STK39: variants seen among roughly 807,000 people sequenced by gnomAD.
STK39 encodes the protein serine/threonine kinase 39, also known as STE20/SPS1-related proline-alanine-rich protein kinase.
A neutral mutation model predicts 77.8 loss-of-function variants in STK39; 20 were observed. The observed-to-expected ratio is 0.26, with a 90% CI of 0.18 to 0.37. The LOEUF (loss-of-function observed/expected upper bound fraction) is 0.37, where lower values mean the gene tolerates loss of function less well. STK39 is among the 10% of genes least tolerant of loss of function. The pLI, the probability that STK39 is intolerant of heterozygous loss-of-function variation, is 1.00. For missense variants in STK39, 479 were observed against 656.5 expected, an observed-to-expected ratio of 0.73 and a Z score of 2.95; for synonymous variants, 246 against 234.1, an observed-to-expected ratio of 1.05 and a Z score of -0.47.
At chr2:168,007,636 T>C (rs993338371) in intron 16 of STK39, among the ~76,000 whole-genome samples, 8 of 152,074 alleles carry the variant, frequency 5.3e-5, no homozygotes, top group Non-Finnish European at 1.0e-4. Context: ...CAAGACCATT[T>C]TGTGAGGTAA....
intron 5 of STK39, 134 bp from the exon 6 acceptor site, chr2:168,140,892 T>C: frequency 1.5e-6 from 1 of 682,642 alleles, no homozygotes; most frequent in South Asian, 2.6e-5. Context: ...TACGGTGCTC[T>C]CTCAGGAAAA....
intron 16 of STK39, among the ~76,000 whole-genome samples, chr2:167,968,412 G>A (rs946579934): frequency 4.6e-5 from 7 of 152,160 alleles, no homozygotes; most frequent in African/African-American, 1.4e-4. Context: ...TACAGTCTAC[G>A]TCTATATTCT....
chr2:168,058,625 A>G (rs530646211), intron 14 of STK39, among the ~76,000 whole-genome samples: 5 of 152,328 alleles, frequency 3.3e-5, no homozygotes, highest in African/African-American at 1.2e-4. Context: ...CCTGCAACTC[A>G]AACTCTCTTT....
At chr2:168,093,040 C>T (rs1686566711) in intron 10 of STK39, among the ~76,000 whole-genome samples, 1 of 152,004 alleles carries the variant, frequency 6.6e-6, no homozygotes, top group Admixed American at 6.5e-5. Context: ...TGTGCATCTC[C>T]CCCTGGAAGC....
At chr2:168,183,982 T>C (rs938092618) in intron 1 of STK39, among the ~76,000 whole-genome samples, 12 of 152,140 alleles carry the variant, frequency 7.9e-5, no homozygotes, top group African/African-American at 2.7e-4. Flanking sequence ...AGCAGAGAAA[T>C]CAACTAACAT....
intron 10 of STK39, among the ~76,000 whole-genome samples, chr2:168,088,354 T>G (rs1054465045): frequency 1.3e-5 from 2 of 152,118 alleles, no homozygotes; most frequent in Non-Finnish European, 2.9e-5. Flanking sequence ...AAAAAGTAGG[T>G]CAATACATAG....
chr2:168,142,105 T>C (rs1181701735), intron 5 of STK39, among the ~76,000 whole-genome samples: 10 of 152,224 alleles, frequency 6.6e-5, no homozygotes, highest in Admixed American at 5.9e-4. Context: ...AATATGCATA[T>C]ATGTTTCCAA....
At chr2:168,156,597 C>T (rs776842000) in intron 5 of STK39, among the ~76,000 whole-genome samples, 1 of 152,188 alleles carries the variant, frequency 6.6e-6, no homozygotes, top group Non-Finnish European at 1.5e-5. Context: ...AATTTCAATA[C>T]GAAAGCAATG....
At chr2:168,144,547 C>A (rs575481325) in intron 5 of STK39, among the ~76,000 whole-genome samples, 1 of 152,170 alleles carries the variant, frequency 6.6e-6, no homozygotes, top group East Asian at 1.9e-4. Context: ...CTCAAGCGAT[C>A]CTCCTGTCTC....
chr2:168,241,961 C>A (rs538157721), intron 1 of STK39, among the ~76,000 whole-genome samples: 45 of 152,324 alleles, frequency 3.0e-4, no homozygotes, highest in African/African-American at 1.1e-3. Flanking sequence ...GCCAGGCTGT[C>A]AGACTCCAGA....
At chr2:168,014,783 C>T (rs939190028) in intron 15 of STK39, among the ~76,000 whole-genome samples, 10 of 152,222 alleles carry the variant, frequency 6.6e-5, no homozygotes, top group African/African-American at 2.4e-4. Context: ...TTACCCATCA[C>T]TTCTAAAGTA....
chr2:168,090,412 G>A (rs1035856540), intron 10 of STK39, among the ~76,000 whole-genome samples: 3 of 152,224 alleles, frequency 2.0e-5, no homozygotes, highest in Non-Finnish European at 2.9e-5. Flanking sequence ...CCCTTAGAGA[G>A]GGATGTCAGG....
intron 1 of STK39, among the ~76,000 whole-genome samples, chr2:168,199,522 G>T (rs1363524316): frequency 6.6e-6 from 1 of 150,466 alleles, no homozygotes; most frequent in Non-Finnish European, 1.5e-5. Flanking sequence ...TGGTAATCCT[G>T]CATTTTAACT....
At chr2:167,984,066 T>C (rs9287890) in intron 16 of STK39, among the ~76,000 whole-genome samples, 19,066 of 152,250 alleles carry the variant, frequency 0.13, 1,385 homozygotes, top group Middle Eastern at 0.19. Flanking sequence ...CTGTTGCCTA[T>C]TAAGATCCAT....
intron 16 of STK39, among the ~76,000 whole-genome samples, chr2:167,991,401 A>G (rs1341597037): frequency 6.6e-6 from 1 of 152,190 alleles, no homozygotes; most frequent in South Asian, 2.1e-4. Context: ...AGAAGAGTAA[A>G]GGCACATGAG....
At chr2:168,105,546 G>C (rs995196721) in intron 10 of STK39, among the ~76,000 whole-genome samples, 5 of 152,202 alleles carry the variant, frequency 3.3e-5, no homozygotes, top group African/African-American at 1.2e-4. Flanking sequence ...GCCTGGGCTC[G>C]AAAGTCAATT....
At chr2:168,151,489 C>A (rs1688280793) in intron 5 of STK39, among the ~76,000 whole-genome samples, 2 of 152,114 alleles carry the variant, frequency 1.3e-5, no homozygotes, top group East Asian at 1.9e-4. Flanking sequence ...GTAATCCCAG[C>A]ATTTTGGGAG....
chr2:168,005,327 A>G (rs1684104100), intron 16 of STK39, among the ~76,000 whole-genome samples: 1 of 151,960 alleles, frequency 6.6e-6, no homozygotes, highest in Non-Finnish European at 1.5e-5. Flanking sequence ...GAGACAAACC[A>G]TATTCCTTTC....
intron 2 of STK39, among the ~76,000 whole-genome samples, chr2:168,175,431 A>G (rs1037909519): frequency 1.3e-5 from 2 of 152,240 alleles, no homozygotes; most frequent in African/African-American, 4.8e-5. Flanking sequence ...CTGAAAAAAA[A>G]GCATGAGAGG....
Sources: gnomAD v4.1 joint callset for allele counts (sites outside exome capture counted in the v4.1 genomes callset) on GRCh38, gnomAD v4.1.1 for gene constraint, MANE v1.5 for transcripts, NCBI Gene and HGNC (gene_info 2026-07-23, HGNC 2026-07-21) for gene names.